TMEM130: variants seen among roughly 807,000 people sequenced by gnomAD.
The protein encoded by TMEM130 is transmembrane protein 130.
TMEM130 carries 37 observed loss-of-function variants against 42.9 expected under a neutral mutation model. The observed-to-expected ratio is 0.86, with a 90% CI of 0.66 to 1.13. TMEM130 has a LOEUF of 1.13. Ranked by LOEUF, TMEM130 falls within the 50% of genes most tolerant of loss-of-function variation. The pLI is 0.00. For synonymous variants in TMEM130, 259 were observed against 237.7 expected (o/e 1.09, Z -0.82); for missense variants, 545 against 562.6 (o/e 0.97, Z 0.32).
In TMEM130 at chr7:98,869,457, G is replaced by A; in HGVS notation, c.85+320C>T. The stretch of plus-strand genomic sequence containing the variant: ...CCCTGCCTCGTCCTCCCCTCCCTTA[G>A]CGGGTGCATGGTCCCCAGGCATCGA... On this transcript the variant is annotated intron_variant, in intron 1 of 7. Transcript: ENST00000339375. The surrounding 1 kb of genome is among the most constrained non-coding windows in gnomAD (Gnocchi z 4.7). 4 of 908,496 alleles carry A rather than the reference G, an allele frequency of 4.4e-6. No homozygotes were observed. In the South Asian group the frequency reaches 2.0e-4, roughly 46 times the overall value. The allele number at this position is 908,496 out of a possible 1,614,324, so 56.3% of individuals were successfully genotyped here. A position where few individuals can be genotyped will look rare whatever the true frequency, so the allele number is the denominator to read the frequency against.
In TMEM130 at chr7:98,856,909, T is replaced by C. The variant is rs74468508; in HGVS notation, c.552-726A>G. The stretch of plus-strand genomic sequence containing the variant: ...ACTGTACTTTTTATCTCTCTCTCCC[T>C]TTTTTTTTTATTTTTTATTTTCCTT... On this transcript the variant is annotated intron_variant, in intron 3 of 7. Transcript: ENST00000339375. Among the ~76,000 whole-genome samples, 348 of 148,714 alleles carry C rather than the reference T, an allele frequency of 2.3e-3. 1 individual carries two copies. The highest frequency in any genetic ancestry group is 4.1e-3 in the Non-Finnish European group (274 of 66,838).
Position 98,848,516 on chromosome 7 carries a change from T to A in TMEM130, c.1119+67A>T, listed in dbSNP as rs1459735382. 23 of 1,162,924 alleles carry A rather than the reference T, an allele frequency of 2.0e-5. No individual in the cohort carries two copies. In the East Asian group the frequency reaches 5.4e-4, roughly 27 times the overall value. 72.0% of individuals were successfully genotyped at this position (1,162,924 alleles called of 1,614,324 possible). ...TCCAGGCATCCTGGCCTGGCCCCCA[T>A]ACCCTCTCTAAACATCCTCTCTAGG... On this transcript the variant is annotated intron_variant, in intron 7 of 7. Coordinates refer to ENST00000339375, the MANE Select transcript of TMEM130 (RefSeq NM_152913.3).
In TMEM130 at chr7:98,850,872, G is replaced by T. The variant is rs554874613; in HGVS notation, c.1006+549C>A. 1.0e-3 allele frequency among the ~76,000 whole-genome samples: 155 copies of T among 152,276 alleles called. 1 individual carries two copies. In the South Asian group the frequency reaches 0.014, roughly 14 times the overall value. On this transcript the variant is annotated intron_variant, in intron 6 of 7. Coordinates refer to ENST00000339375, the MANE Select transcript of TMEM130 (RefSeq NM_152913.3). ...CTGCAATCATGGTGGCTCATTTGGC[G>T]CAAAAGTGTTTGTGCTGGGGACGTG...
intron 1 of TMEM130, among the ~76,000 whole-genome samples, chr7:98,863,786 CCTCT>C (rs139772432): frequency 7.6e-5 from 11 of 144,006 alleles, no homozygotes; most frequent in African/African-American, 2.9e-4. Context: ...CTCCCTCCCT[CCTCT>C]CTTTTTTCTT....
At chr7:98,852,857 A>T (rs1308069496) in intron 5 of TMEM130, among the ~76,000 whole-genome samples, 1 of 152,192 alleles carries the variant, frequency 6.6e-6, no homozygotes, top group Non-Finnish European at 1.5e-5. Context: ...TCAGCCTCTG[A>T]AAGTGCTAGG....
intron 7 of TMEM130, 70 bp from the exon 8 acceptor site, chr7:98,848,278 C>T (rs782664606): frequency 4.4e-6 from 7 of 1,591,312 alleles, no homozygotes; most frequent in Non-Finnish European, 3.4e-6. Flanking sequence ...GTCAATCACC[C>T]ACCCACCAGG....
intron 6 of TMEM130, among the ~76,000 whole-genome samples, chr7:98,850,271 ATAT>A (rs1486020657): frequency 1.2e-4 from 4 of 33,882 alleles, no homozygotes; most frequent in Admixed American, 4.5e-4. Context: ...ATATATATAT[ATAT>A]TTTTTTTTTT....
Position 98,860,179 on chromosome 7 carries a change from C to G in TMEM130, c.551G>C (p.Gly184Ala). 1 of 1,610,938 alleles carries G rather than the reference C, an allele frequency of 6.2e-7. No homozygotes were observed. The highest frequency in any genetic ancestry group is 8.5e-7 in the Non-Finnish European group (1 of 1,178,260). Residue 184 changes from glycine to alanine, a missense_variant and splice_region_variant, in exon 3 of 8, where the codon GGG (glycine) becomes GCG (alanine). Transcript: ENST00000339375. ...GGCCTGCAGAGGGGTAAGGACCTAC[C>G]CGTCCCCGAAGTCCCAGCTGTAGAG... ...LFLYSWDFGD[G>A]TQMVTEDSVV...
At chr7:98,853,614 C>T (rs963791918) in intron 5 of TMEM130, among the ~76,000 whole-genome samples, 1 of 152,184 alleles carries the variant, frequency 6.6e-6, no homozygotes, top group Non-Finnish European at 1.5e-5. Flanking sequence ...GGCAACAAAG[C>T]GAGTCTCTGT....
chr7:98,857,242 C>T (rs2116095827), intron 3 of TMEM130, among the ~76,000 whole-genome samples: 2 of 152,250 alleles, frequency 1.3e-5, no homozygotes, highest in Middle Eastern at 6.8e-3. Flanking sequence ...CTTGACTTTC[C>T]TAAGTAAGTT....
At chr7:98,861,386 G>A (rs1554399772) in intron 2 of TMEM130, among the ~76,000 whole-genome samples, 7 of 151,488 alleles carry the variant, frequency 4.6e-5, no homozygotes, top group South Asian at 2.1e-4. Flanking sequence ...AGCTTCACAC[G>A]TTGGGACCAC....
In TMEM130 at chr7:98,869,072, T is replaced by C. The variant is rs1794970702; in HGVS notation, c.85+705A>G. 23 of 765,232 alleles carry C rather than the reference T, an allele frequency of 3.0e-5. 1 individual carries two copies. The South Asian group carries it at 4.3e-4, about 14-fold the overall frequency. The allele number at this position is 765,232 out of a possible 1,614,324, so 47.4% of individuals were successfully genotyped here. On this transcript the variant is annotated intron_variant, in intron 1 of 7. Coordinates refer to ENST00000339375, the MANE Select transcript of TMEM130 (RefSeq NM_152913.3). This position sits in a 1 kb window ranked among gnomAD's most constrained non-coding sequence, Gnocchi z 4.7. ...GCCCACGTCCCATCTGTCCCTCGAA[T>C]AGTCTTAAATCTGGGTCCTTTTATG...
intron 2 of TMEM130, among the ~76,000 whole-genome samples, chr7:98,861,324 C>G (rs969856916): frequency 6.6e-6 from 1 of 151,446 alleles, no homozygotes; most frequent in Non-Finnish European, 1.5e-5. Context: ...GGTGACAGAG[C>G]AAGACTCCGT....
intron 6 of TMEM130, among the ~76,000 whole-genome samples, chr7:98,850,271 A>ATTTTTTTTTTTTTTT (rs1290884464): frequency 1.2e-4 from 4 of 33,880 alleles, no homozygotes; most frequent in African/African-American, 3.1e-4. Context: ...ATATATATAT[A>ATTTTTTTTTTTTTTT]TATTTTTTTT....
chr7:98,861,091 T>C (rs969532251), intron 2 of TMEM130, among the ~76,000 whole-genome samples: 4 of 152,026 alleles, frequency 2.6e-5, no homozygotes, highest in Non-Finnish European at 4.4e-5. Flanking sequence ...TCCCAACACT[T>C]TGGGAGGCCA....
At chr7:98,862,970 C>G (rs782108873) in intron 2 of TMEM130, 125 bp downstream of exon 2, 2 of 1,009,534 alleles carry the variant, frequency 2.0e-6, no homozygotes, top group Non-Finnish European at 2.8e-6. Context: ...GGGGAAGGAA[C>G]CTACGGGCCT....
intron 4 of TMEM130, among the ~76,000 whole-genome samples, chr7:98,855,689 C>G (rs1478235373): frequency 2.6e-5 from 4 of 152,208 alleles, no homozygotes; most frequent in Non-Finnish European, 5.9e-5. Context: ...CCTCCCACCC[C>G]AGGGTGAGCC....
At chr7:98,852,104 G>A (rs1353294279) in intron 5 of TMEM130, among the ~76,000 whole-genome samples, 1 of 151,912 alleles carries the variant, frequency 6.6e-6, no homozygotes, top group Non-Finnish European at 1.5e-5. Flanking sequence ...CAGCCACCAT[G>A]CCCAACTAAT....
chr7:98,855,127 C>G (rs1794596411), intron 5 of TMEM130, 113 bp downstream of exon 5: 4 of 828,498 alleles, frequency 4.8e-6, no homozygotes. Flanking sequence ...ACTGCCCTTC[C>G]ATGAGGTCCC....
Sources: gnomAD v4.1 joint callset for allele counts (sites outside exome capture counted in the v4.1 genomes callset) on GRCh38, gnomAD v4.1.1 for gene constraint, Gnocchi (gnomAD v3.1) non-coding constraint, MANE v1.5 for transcripts, NCBI Gene and HGNC (gene_info 2026-07-23, HGNC 2026-07-21) for gene names.